The following CDH13 variants were observed in gnomAD, a reference collection of about 807,000 sequenced individuals.
CDH13 encodes the protein cadherin 13.
Under a neutral mutation model 63.8 loss-of-function variants are expected in CDH13, and 24 were observed. That is an observed-to-expected ratio of 0.38 (90% CI 0.27 to 0.53). CDH13 has a LOEUF of 0.53. Among genes scored for constraint, CDH13 ranks in the 20% least tolerant of loss-of-function variants. CDH13 has a pLI of 0.85. For missense variants in CDH13, 1,049 were observed against 903.1 expected, an observed-to-expected ratio of 1.16 and a Z score of -2.07; for synonymous variants, 503 against 355.3, an observed-to-expected ratio of 1.42 and a Z score of -4.67.
chr16:83,527,945 A>T (rs932648591), intron 7 of CDH13, among the ~76,000 whole-genome samples: 4 of 152,198 alleles, frequency 2.6e-5, no homozygotes, highest in Non-Finnish European at 1.5e-5. Context: ...GCCAGAGGAA[A>T]TATTAGAGAT....
At chr16:82,804,226 C>CAA (rs35791845) in intron 1 of CDH13, among the ~76,000 whole-genome samples, 1 of 120,160 alleles carries the variant, frequency 8.3e-6, no homozygotes. Flanking sequence ...GACTTCATCT[C>CAA]AAAAAAAAAA....
intron 7 of CDH13, among the ~76,000 whole-genome samples, chr16:83,550,862 C>G (rs2075477543): frequency 6.6e-6 from 1 of 152,114 alleles, no homozygotes; most frequent in East Asian, 1.9e-4. Flanking sequence ...CCTAACCTCT[C>G]AGGTTAGAAA....
chr16:83,034,996 G>C (rs1916718425), intron 3 of CDH13, among the ~76,000 whole-genome samples: 1 of 152,020 alleles, frequency 6.6e-6, no homozygotes, highest in Admixed American at 6.6e-5. Context: ...CAGCAGAATG[G>C]GGCATTCATC....
chr16:83,658,412 CAGGTCCCGTATCCTCAGCAGCA>C (rs1260561340), intron 8 of CDH13, among the ~76,000 whole-genome samples: 125 of 125,160 alleles, frequency 1.0e-3, no homozygotes, highest in African/African-American at 2.3e-3. Flanking sequence ...TCCTCACCAC[CAGGTCCCGTATCCTCAGCAGCA>C]AGGTCCCATA....
chr16:83,015,446 C>G (rs533840960), intron 2 of CDH13, among the ~76,000 whole-genome samples: 150 of 151,490 alleles, frequency 9.9e-4, no homozygotes, highest in African/African-American at 3.5e-3. Flanking sequence ...TCTTTTCTGC[C>G]TGATATCTTC....
intron 1 of CDH13, among the ~76,000 whole-genome samples, chr16:82,679,981 A>C (rs767078392): frequency 6.6e-6 from 1 of 152,158 alleles, no homozygotes; most frequent in Non-Finnish European, 1.5e-5. Context: ...AAGAAGGACA[A>C]GGAAGACCAC....
chr16:83,774,331 A>C (rs1254838987), intron 11 of CDH13, among the ~76,000 whole-genome samples: 1 of 152,140 alleles, frequency 6.6e-6, no homozygotes, highest in African/African-American at 2.4e-5. Flanking sequence ...ACAGGAAGCT[A>C]AGAATCTCAA....
At chr16:83,449,109 A>C (rs989458323) in intron 6 of CDH13, among the ~76,000 whole-genome samples, 3 of 152,200 alleles carry the variant, frequency 2.0e-5, no homozygotes, top group Non-Finnish European at 4.4e-5. Flanking sequence ...CTTCCATATT[A>C]ACCTACGTTT....
At chr16:83,570,231 G>A (rs1167455711) in intron 7 of CDH13, among the ~76,000 whole-genome samples, 1 of 152,140 alleles carries the variant, frequency 6.6e-6, no homozygotes, top group African/African-American at 2.4e-5. Context: ...CATCGTAGAT[G>A]CCAAACAGAG....
At chr16:83,671,519 A>G (rs996311274) in intron 9 of CDH13, among the ~76,000 whole-genome samples, 1 of 152,120 alleles carries the variant, frequency 6.6e-6, no homozygotes, top group East Asian at 1.9e-4. Context: ...AAAATGCTGG[A>G]GTTACAAGTG....
At chr16:83,520,964 T>G (rs1158476777) in intron 7 of CDH13, among the ~76,000 whole-genome samples, 2 of 152,128 alleles carry the variant, frequency 1.3e-5, no homozygotes, top group South Asian at 2.1e-4. Context: ...CTCCTCAGGT[T>G]TCAACCATCG....
At chr16:82,846,464 C>T (rs1224087381) in intron 1 of CDH13, among the ~76,000 whole-genome samples, 2 of 152,172 alleles carry the variant, frequency 1.3e-5, no homozygotes. Context: ...CTCATTGACT[C>T]ATACAACCAA....
chr16:83,026,776 G>A (rs757181735), intron 2 of CDH13, among the ~76,000 whole-genome samples: 1 of 152,140 alleles, frequency 6.6e-6, no homozygotes, highest in African/African-American at 2.4e-5. Flanking sequence ...CATGACTGTT[G>A]TCTGTCCAAG....
At chr16:83,237,163 G>C (rs1435246115) in intron 5 of CDH13, among the ~76,000 whole-genome samples, 1 of 152,156 alleles carries the variant, frequency 6.6e-6, no homozygotes, top group Non-Finnish European at 1.5e-5. Context: ...GCCTAAAGCG[G>C]TGTTCAGTAC....
rs181453134 is a variant in CDH13, at chr16:82,640,977, G to T, written c.45+13840G>T. On this transcript the variant is annotated intron_variant, in intron 1 of 13. Coordinates refer to ENST00000567109, the MANE Select transcript of CDH13 (RefSeq NM_001257.5). ...AGAGACACAGAATTGGGTTCAGGGG[G>T]TTAAGTTGGTAAATGATCTCAAGGT... Among the ~76,000 whole-genome samples, 224 of 152,320 alleles carry T rather than the reference G, an allele frequency of 1.5e-3. 1 individual carries two copies. The highest frequency in any genetic ancestry group is 5.3e-3 in the African/African-American group (220 of 41,568).
intron 10 of CDH13, among the ~76,000 whole-genome samples, chr16:83,689,193 T>C (rs777586100): frequency 2.0e-5 from 3 of 152,206 alleles, no homozygotes; most frequent in African/African-American, 4.8e-5. Context: ...TTGTCAGCCT[T>C]AGAAATTAAT....
chr16:83,029,899 G>A (rs567961196), intron 2 of CDH13, among the ~76,000 whole-genome samples: 1 of 152,306 alleles, frequency 6.6e-6, no homozygotes. Context: ...AGCCTGTTCA[G>A]CAGAGACCAA....
chr16:83,316,816 A>T (rs1159360882), intron 5 of CDH13, among the ~76,000 whole-genome samples: 2 of 152,236 alleles, frequency 1.3e-5, no homozygotes, highest in Admixed American at 6.5e-5. Context: ...ACACTGGCCT[A>T]AAACAACAGA....
In CDH13 at chr16:83,503,182, A is replaced by T. The variant is rs563646992; in HGVS notation, c.960+16527A>T. 1.4e-3 allele frequency among the ~76,000 whole-genome samples: 207 copies of T among 152,334 alleles called. 5 individuals carry two copies. The South Asian group carries it at 0.04, about 29-fold the overall frequency. On this transcript the variant is annotated intron_variant, in intron 7 of 13. Transcript: ENST00000567109. ...GTGAGGCCTTGAATCGCTCACGTAGATTCAAGTAGTGTTGAGAAACTAAGA... is the reference window on the plus strand; with the variant it reads ...GTGAGGCCTTGAATCGCTCACGTAGTTTCAAGTAGTGTTGAGAAACTAAGA...
Sources: allele counts gnomAD v4.1 joint callset (sites outside exome capture counted in the v4.1 genomes callset), GRCh38; gene constraint gnomAD v4.1.1; transcripts MANE v1.5; gene names NCBI Gene and HGNC (gene_info 2026-07-23, HGNC 2026-07-21).